Variants in SYNE1 observed in about 807,000 individuals in gnomAD.
SYNE1 encodes nesprin-1.
A neutral mutation model predicts 1,111.0 loss-of-function variants in SYNE1; 616 were observed. The observed-to-expected ratio is 0.55, with a 90% CI of 0.52 to 0.59. The LOEUF (loss-of-function observed/expected upper bound fraction) is 0.59. Among genes scored for constraint, SYNE1 ranks in the 20% least tolerant of loss-of-function variants. SYNE1 has a pLI of 0.00. For missense variants in SYNE1, 10,006 were observed against 10,417.0 expected, an observed-to-expected ratio of 0.96 and a Z score of 1.72; for synonymous variants, 3,855 against 3,825.8, an observed-to-expected ratio of 1.01 and a Z score of -0.28.
At chr6:152,371,073 A>G (rs1175745907) in intron 59 of SYNE1, among the ~76,000 whole-genome samples, 1 of 152,150 alleles carries the variant, frequency 6.6e-6, no homozygotes, top group Non-Finnish European at 1.5e-5. Context: ...CTCAACAAAT[A>G]TTTGTTGAAT....
intron 36 of SYNE1, among the ~76,000 whole-genome samples, chr6:152,428,779 G>C (rs547593882): frequency 6.6e-6 from 1 of 151,934 alleles, no homozygotes; most frequent in Non-Finnish European, 1.5e-5. Flanking sequence ...TATTTTAAAA[G>C]GTCTGTGCCC....
intron 118 of SYNE1, 28 bp downstream of exon 118, chr6:152,221,398 T>C: frequency 1.2e-6 from 2 of 1,611,646 alleles, no homozygotes; most frequent in Non-Finnish European, 1.7e-6. Flanking sequence ...GTGATATAAA[T>C]AGTGTGTAAA....
At chr6:152,572,183 T>C (rs986174520) in intron 3 of SYNE1, among the ~76,000 whole-genome samples, 2 of 152,230 alleles carry the variant, frequency 1.3e-5, no homozygotes, top group Non-Finnish European at 2.9e-5. Context: ...CATAATATAA[T>C]ACTTAGCATT....
intron 130 of SYNE1, among the ~76,000 whole-genome samples, chr6:152,166,439 CTATT>C (rs1276039714): frequency 6.6e-6 from 1 of 152,150 alleles, no homozygotes; most frequent in Non-Finnish European, 1.5e-5. Flanking sequence ...TGCCAGTGCT[CTATT>C]TGTCAAGTAC....
chr6:152,632,187 A>T (rs2099699029), intron 2 of SYNE1, among the ~76,000 whole-genome samples: 1 of 152,152 alleles, frequency 6.6e-6, no homozygotes, highest in Non-Finnish European at 1.5e-5. Context: ...TCATTCATTG[A>T]CACCAAGTAT....
At chr6:152,300,825 C>T (rs753446178) in intron 92 of SYNE1, 44 bp from the exon 93 acceptor site, 2 of 1,614,032 alleles carry the variant, frequency 1.2e-6, no homozygotes. Flanking sequence ...AATCAATTAG[C>T]TATGTTAACA....
rs757253858 is a variant in SYNE1, at chr6:152,458,868, T to A, written c.2457A>T (p.Glu819Asp). 1.2e-6 allele frequency: 2 copies of A among 1,613,946 alleles called. No homozygotes were observed. The highest frequency in any genetic ancestry group is 2.7e-5 in the African/African-American group (2 of 74,912). Residue 819 changes from glutamate to aspartate, a missense_variant, in exon 22 of 146, where the codon GAA (glutamate) becomes GAT (aspartate). By Grantham distance (45) the Glu-to-Asp change is conservative. Transcript: ENST00000367255. ...AAAAGGACGTCATCTGCTTTTCTAATTCCTCCAACGGAATCAACAGCTGCT... is the reference window on the plus strand; with the variant it reads ...AAAAGGACGTCATCTGCTTTTCTAAATCCTCCAACGGAATCAACAGCTGCT... ...ESQQLLIPLE[E>D]LEKQMTSFYD...
chr6:152,181,974 G>A (rs2068206857), intron 128 of SYNE1, among the ~76,000 whole-genome samples: 1 of 152,190 alleles, frequency 6.6e-6, no homozygotes, highest in Admixed American at 6.5e-5. Context: ...GGTATCTGAT[G>A]ATGGTTTTGA....
chr6:152,468,753 T>C (rs1411351284), intron 16 of SYNE1, among the ~76,000 whole-genome samples: 1 of 152,118 alleles, frequency 6.6e-6, no homozygotes, highest in Non-Finnish European at 1.5e-5. Context: ...TGTAGAAGCA[T>C]GTAGCTTATT....
chr6:152,409,998 C>T (rs922940197), intron 42 of SYNE1, among the ~76,000 whole-genome samples: 1 of 152,088 alleles, frequency 6.6e-6, no homozygotes, highest in Non-Finnish European at 1.5e-5. Flanking sequence ...TATGTTCTTG[C>T]CAACTCAAAC....
rs746767141 is a variant in SYNE1 at position 152,318,258 on chromosome 6, C to T, written c.16395G>A (p.Leu5465=). The part of the protein sequence containing the change: ...VVQAKTDQKV[L]GEELDGCNSK... ...AATTACAGCCATCTAATTCCTCTCC[C>T]AGCACCTTGATGGTCACCAAAATGA... is the stretch of plus-strand genomic sequence containing the variant. Residue 5465 remains leucine, a synonymous_variant, in exon 86 of 146, where the codon CTG becomes CTA. Coordinates refer to ENST00000367255, the MANE Select transcript of SYNE1 (RefSeq NM_182961.4). 1.9e-6 allele frequency: 3 copies of T among 1,614,052 alleles called. No individual in the cohort carries two copies. The highest frequency in any genetic ancestry group is 2.5e-6 in the Non-Finnish European group (3 of 1,180,030).
chr6:152,437,583 G>A (rs1174549699), intron 32 of SYNE1, among the ~76,000 whole-genome samples: 2 of 152,028 alleles, frequency 1.3e-5, no homozygotes, highest in African/African-American at 2.4e-5. Context: ...TATTTTAATT[G>A]AAAAGTTGAT....
intron 91 of SYNE1, among the ~76,000 whole-genome samples, chr6:152,307,964 C>T (rs9479289): frequency 0.21 from 32,029 of 151,946 alleles, 3,712 homozygotes; most frequent in African/African-American, 0.25. Context: ...TCCGAAGTAG[C>T]TGGGATTACA....
chr6:152,151,310 T>C (rs539743287), intron 135 of SYNE1, among the ~76,000 whole-genome samples: 1 of 151,064 alleles, frequency 6.6e-6, no homozygotes, highest in Non-Finnish European at 1.5e-5. Flanking sequence ...TGTTGAAAAA[T>C]ATCAACAACA....
At chr6:152,168,044 C>T (rs201762050) in intron 130 of SYNE1, 25 of 780,586 alleles carry the variant, frequency 3.2e-5, no homozygotes, top group African/African-American at 1.2e-4. Flanking sequence ...AGGCTTCCAG[C>T]GTCTATCCTA....
At chr6:152,415,935 A>G (rs172533) in intron 41 of SYNE1, among the ~76,000 whole-genome samples, 1 of 152,158 alleles carries the variant, frequency 6.6e-6, no homozygotes, top group African/African-American at 2.4e-5. Context: ...AGAAATAAAT[A>G]TGAAATTACA....
rs1374845329 is a variant in SYNE1, at chr6:152,233,825, C to T, written c.20668G>A (p.Asp6890Asn). ...ACGGCTGGGATATTGGTTAGCAGGT[C>T]AGTCCACTGGCTATCAATGCGCGAC... ...ELSRIDSQWTDLLTNIPAVQE... is the reference protein window; with the variant it reads ...ELSRIDSQWTNLLTNIPAVQE... Residue 6890 changes from aspartate (D) to asparagine (N), a missense_variant, in exon 112 of 146, where the codon GAC (aspartate) becomes AAC (asparagine). This residue lies in a region of SYNE1 where 2,182 missense variants were observed against 2,287.8 expected (regional missense o/e 0.95). Coordinates refer to ENST00000367255, the MANE Select transcript of SYNE1 (RefSeq NM_182961.4). 1 of 1,614,062 alleles carries T rather than the reference C, an allele frequency of 6.2e-7. No homozygotes were observed. Among genetic ancestry groups the T allele is most frequent in the African/African-American group, 1.3e-5 (1 of 74,938 alleles).
Position 152,447,481 on chromosome 6 carries a change from C to G in SYNE1, c.3646G>C (p.Ala1216Pro), listed in dbSNP as rs959155010. The G allele has an allele frequency of 1.9e-6, 3 of 1,614,072 alleles. No individual in the cohort carries two copies. The highest frequency in any genetic ancestry group is 1.3e-5 in the African/African-American group (1 of 74,936). Residue 1216 changes from alanine to proline, a missense_variant, in exon 29 of 146, where the codon GCT becomes CCT. Physicochemically the swap from Ala to Pro is conservative, Grantham distance 27. This residue lies in a region of SYNE1 where 1,971 missense variants were observed against 2,084.1 expected (regional missense o/e 0.95). Coordinates refer to ENST00000367255, the MANE Select transcript of SYNE1 (RefSeq NM_182961.4). ...ELAKLSSSFK[A>P]LVTLLSEVEK... is the part of the protein sequence containing the mutation. ...ACCTCTGACAGCAGCGTCACAAGAG[C>G]CTTGAAAGAGCTGGATAATTTTGCC... is the stretch of plus-strand genomic sequence containing the variant.
intron 77 of SYNE1, 52 bp downstream of exon 77, chr6:152,333,956 T>G: frequency 5.0e-6 from 8 of 1,613,040 alleles, no homozygotes; most frequent in Non-Finnish European, 6.8e-6. Flanking sequence ...TTATAGATAT[T>G]AAGAAATGTC....
Sources: allele counts gnomAD v4.1 joint callset (sites outside exome capture counted in the v4.1 genomes callset), GRCh38; gene constraint gnomAD v4.1.1; regional missense constraint gnomAD v4.1.1; transcripts MANE v1.5; gene names NCBI Gene and HGNC (gene_info 2026-07-23, HGNC 2026-07-21).